The following PLPP4 variants were observed in gnomAD, a reference collection of about 807,000 sequenced individuals.
PLPP4 encodes the protein diacylglycerol pyrophosphate like 2.
A neutral mutation model predicts 32.2 loss-of-function variants in PLPP4; 20 were observed. The ratio of observed to expected loss-of-function variants is 0.62; its 90% CI spans 0.44 to 0.90. The LOEUF is 0.90. PLPP4 is among the 40% of genes least tolerant of loss of function. The pLI is 0.00. For missense variants in PLPP4, 257 were observed against 353.1 expected, an observed-to-expected ratio of 0.73 and a Z score of 2.18; for synonymous variants, 127 against 133.0, an observed-to-expected ratio of 0.95 and a Z score of 0.31.
At chr10:120,459,481 G>A (rs2148477) in intron 1 of PLPP4, among the ~76,000 whole-genome samples, 24,481 of 152,162 alleles carry the variant, frequency 0.16, 2,126 homozygotes, top group East Asian at 0.29. Flanking sequence ...TCAGATAAGC[G>A]TCTGGCACCT....
chr10:120,503,636 G>A, intron 1 of PLPP4, 182 bp from the exon 2 acceptor site: 1 of 1,605,304 alleles, frequency 6.2e-7, no homozygotes, highest in Non-Finnish European at 8.5e-7. Context: ...AAGTCTCAGT[G>A]ATTCTTTCAG....
chr10:120,555,789 T>C (rs961052038), intron 5 of PLPP4, among the ~76,000 whole-genome samples: 6 of 152,240 alleles, frequency 3.9e-5, no homozygotes, highest in Admixed American at 6.5e-5. Context: ...CAGATATTTA[T>C]TGATTGCCTC....
At chr10:120,472,289 G>A (rs1374539798) in intron 1 of PLPP4, among the ~76,000 whole-genome samples, 2 of 151,862 alleles carry the variant, frequency 1.3e-5, no homozygotes, top group African/African-American at 4.8e-5. Context: ...AATTCTCCTG[G>A]CTTTTGTTTT....
chr10:120,529,759 A>G (rs1429612235), intron 5 of PLPP4, among the ~76,000 whole-genome samples: 1 of 152,198 alleles, frequency 6.6e-6, no homozygotes, highest in Non-Finnish European at 1.5e-5. Flanking sequence ...AAGGGTTTGT[A>G]AAAAAGAAAA....
At chr10:120,495,725 C>T (rs968993237) in intron 1 of PLPP4, among the ~76,000 whole-genome samples, 1 of 152,038 alleles carries the variant, frequency 6.6e-6, no homozygotes, top group Non-Finnish European at 1.5e-5. Flanking sequence ...AGTTTTGTTG[C>T]CATTCTTCTA....
At chr10:120,489,216 C>T (rs1029150772) in intron 1 of PLPP4, among the ~76,000 whole-genome samples, 1 of 152,198 alleles carries the variant, frequency 6.6e-6, no homozygotes, top group African/African-American at 2.4e-5. Flanking sequence ...GCAAGGTTTG[C>T]AAGTTGATCT....
Position 120,590,917 on chromosome 10 carries a change from C to T in PLPP4, c.*1415C>T, listed in dbSNP as rs1446192168. On this transcript the variant is annotated 3_prime_UTR_variant, in exon 7 of 7. Coordinates refer to ENST00000398250, the MANE Select transcript of PLPP4 (RefSeq NM_001030059.3). ...CCAAGTAGCTAGGACTACAGGTGCC[C>T]GCCACCACACCTGGCTAATTTTTGT... 6.6e-6 allele frequency among the ~76,000 whole-genome samples: 1 copy of T among 151,858 alleles called. No individual in the cohort carries two copies. Among genetic ancestry groups the T allele is most frequent in the Admixed American group, 6.6e-5 (1 of 15,250 alleles).
In PLPP4 at chr10:120,502,748, T is replaced by C. The variant is rs183286464; in HGVS notation, c.57-1070T>C. ...GGACGGCTTTAGGGTGACCAACTGTTCTGGTTTGCTCAAGACTGAGGGGTT... is the reference window on the plus strand; with the variant it reads ...GGACGGCTTTAGGGTGACCAACTGTCCTGGTTTGCTCAAGACTGAGGGGTT... On this transcript the variant is annotated intron_variant, in intron 1 of 6. Transcript: ENST00000398250. Among the ~76,000 whole-genome samples the C allele has an allele frequency of 5.3e-5, 8 of 152,282 alleles. No homozygotes were observed. In the East Asian group the frequency reaches 1.5e-3, roughly 29 times the overall value.
chr10:120,470,140 T>C (rs953757181), intron 1 of PLPP4, among the ~76,000 whole-genome samples: 1 of 152,244 alleles, frequency 6.6e-6, no homozygotes, highest in Admixed American at 6.5e-5. Context: ...TTGGATGTTT[T>C]GTATTTCTGC....
At chr10:120,575,102 G>A (rs371054542) in intron 5 of PLPP4, 29 bp from the exon 6 acceptor site, 1 of 1,603,122 alleles carries the variant, frequency 6.2e-7, no homozygotes, top group African/African-American at 1.3e-5. Context: ...CCACCTGCTA[G>A]AGTAACACCT....
rs1302122097 is a variant in PLPP4 at position 120,589,364 on chromosome 10, T to C, written c.678T>C (p.Tyr226=). The part of the protein sequence containing the change: ...IFAYICYRQH[Y]PPLANTACHK... ...CATACATTTGCTACAGACAGCACTA[T>C]CCTCCTCTGGCCAACACAGCTTGCC... The change falls in exon 7 of 7, where the codon TAT becomes TAC. Residue 226 remains tyrosine (Y), a synonymous_variant. Transcript: ENST00000398250. 5.6e-6 allele frequency: 9 copies of C among 1,614,162 alleles called. No homozygotes were observed. Among genetic ancestry groups the C allele is most frequent in the Non-Finnish European group, 7.6e-6 (9 of 1,180,036 alleles).
chr10:120,471,098 T>C (rs1848499839), intron 1 of PLPP4, among the ~76,000 whole-genome samples: 1 of 152,208 alleles, frequency 6.6e-6, no homozygotes, highest in Admixed American at 6.5e-5. Flanking sequence ...ATAGTTTCTG[T>C]TTGGTGAGTG....
intron 5 of PLPP4, among the ~76,000 whole-genome samples, chr10:120,533,403 T>C (rs941173876): frequency 6.6e-6 from 1 of 152,182 alleles, no homozygotes; most frequent in Non-Finnish European, 1.5e-5. Flanking sequence ...TGGTTTTACA[T>C]ATTGTAGATA....
At chr10:120,499,427 G>A (rs1357652916) in intron 1 of PLPP4, among the ~76,000 whole-genome samples, 1 of 149,802 alleles carries the variant, frequency 6.7e-6, no homozygotes, top group Non-Finnish European at 1.5e-5. Context: ...TTTTTTAAAT[G>A]GCAACAACCA....
intron 1 of PLPP4, among the ~76,000 whole-genome samples, chr10:120,498,217 C>T (rs1408805792): frequency 1.3e-5 from 2 of 152,148 alleles, no homozygotes; most frequent in East Asian, 1.9e-4. Context: ...ATTTGACCTA[C>T]GCAGTCTAGA....
In PLPP4 at chr10:120,590,935, A is replaced by G. The variant is rs1486151083; in HGVS notation, c.*1433A>G. Reference sequence around the variant, plus strand: ...AGGTGCCCGCCACCACACCTGGCTAATTTTTGTATTTTTAGTAGACACGGG... The same window carrying G: ...AGGTGCCCGCCACCACACCTGGCTAGTTTTTGTATTTTTAGTAGACACGGG... On this transcript the variant is annotated 3_prime_UTR_variant, in exon 7 of 7. Coordinates refer to ENST00000398250, the MANE Select transcript of PLPP4 (RefSeq NM_001030059.3). Among the ~76,000 whole-genome samples the G allele has an allele frequency of 6.6e-6, 1 of 151,738 alleles. No homozygotes were observed.
At chr10:120,514,753 G>A (rs1291364750) in intron 3 of PLPP4, among the ~76,000 whole-genome samples, 1 of 152,088 alleles carries the variant, frequency 6.6e-6, no homozygotes, top group Non-Finnish European at 1.5e-5. Context: ...CTGTAGCCAG[G>A]TTTTCAGCTT....
At chr10:120,532,786 A>G (rs992661289) in intron 5 of PLPP4, among the ~76,000 whole-genome samples, 2 of 152,178 alleles carry the variant, frequency 1.3e-5, no homozygotes, top group Non-Finnish European at 2.9e-5. Flanking sequence ...AAGATTCATG[A>G]TGTAGCATAT....
chr10:120,551,801 G>A (rs573831173), intron 5 of PLPP4, among the ~76,000 whole-genome samples: 2 of 152,040 alleles, frequency 1.3e-5, no homozygotes, highest in Non-Finnish European at 2.9e-5. Flanking sequence ...ATGTTTTGGG[G>A]AACTTAAGAC....
Sources: gnomAD v4.1 joint callset for allele counts (sites outside exome capture counted in the v4.1 genomes callset) on GRCh38, gnomAD v4.1.1 for gene constraint, MANE v1.5 for transcripts, NCBI Gene and HGNC (gene_info 2026-07-23, HGNC 2026-07-21) for gene names.